Variants in KCNIP4 observed in about 807,000 individuals in gnomAD.
KCNIP4 encodes the protein potassium voltage-gated channel interacting protein 4.
A neutral mutation model predicts 34.0 loss-of-function variants in KCNIP4; 12 were observed. The ratio of observed to expected loss-of-function variants is 0.35; its 90% CI spans 0.23 to 0.57. KCNIP4 has a LOEUF of 0.57. Among genes scored for constraint, KCNIP4 ranks in the 20% least tolerant of loss-of-function variants. The probability of loss-of-function intolerance (pLI) is 0.83; values close to 1 mark genes in which losing one functional copy is unlikely to be tolerated. For synonymous variants in KCNIP4, 124 were observed against 102.2 expected (o/e 1.21, Z -1.29); for missense variants, 238 against 311.7 (o/e 0.76, Z 1.78).
intron 1 of KCNIP4, among the ~76,000 whole-genome samples, chr4:21,573,196 C>T (rs559352715): frequency 6.6e-6 from 1 of 152,266 alleles, no homozygotes; most frequent in Non-Finnish European, 1.5e-5. Context: ...GATACTCATA[C>T]TTGACCTTAG....
intron 1 of KCNIP4, among the ~76,000 whole-genome samples, chr4:21,666,843 G>C (rs936275376): frequency 1.2e-4 from 19 of 152,202 alleles, no homozygotes; most frequent in Admixed American, 1.0e-3. Context: ...GGAGGAAAGA[G>C]AGCCACATTG....
rs1214060230 is a variant in KCNIP4, at chr4:21,177,568, T to C, written c.62-294859A>G. On this transcript the variant is annotated intron_variant, in intron 1 of 8. Transcript: ENST00000382152. ...TTGGCAAGGCACAGCGGCTCACACC[T>C]GTAGGGGTCGCAGCATTCTGGGAGG... Among the ~76,000 whole-genome samples the C allele has an allele frequency of 2.0e-5, 3 of 152,042 alleles. No homozygotes were observed. In the South Asian group the frequency reaches 6.2e-4, roughly 31 times the overall value.
At chr4:21,310,326 A>T (rs1450237358) in intron 1 of KCNIP4, among the ~76,000 whole-genome samples, 1 of 152,008 alleles carries the variant, frequency 6.6e-6, no homozygotes, top group East Asian at 1.9e-4. Flanking sequence ...GTAAGCCACC[A>T]CACCCAGCCT....
chr4:21,226,244 GGGGA>G (rs1165143722), intron 1 of KCNIP4, among the ~76,000 whole-genome samples: 11,229 of 96,428 alleles, frequency 0.12, 1,926 homozygotes, highest in African/African-American at 0.39. Context: ...GGAGGGAGGG[GGGGA>G]GGGAGGGAGG....
chr4:21,075,069 A>G (rs1034458919), intron 1 of KCNIP4, among the ~76,000 whole-genome samples: 11 of 151,742 alleles, frequency 7.2e-5, no homozygotes, highest in African/African-American at 2.7e-4. Flanking sequence ...TATGTGGTCA[A>G]TTTTGGAATA....
chr4:21,698,567 C>G (rs1292559879), intron 1 of KCNIP4, among the ~76,000 whole-genome samples: 2 of 152,156 alleles, frequency 1.3e-5, no homozygotes, highest in African/African-American at 2.4e-5. Context: ...CTTGCCTTCT[C>G]TGAAAAAGTG....
intron 1 of KCNIP4, among the ~76,000 whole-genome samples, chr4:21,537,718 A>G (rs1299846783): frequency 1.3e-5 from 2 of 152,080 alleles, no homozygotes; most frequent in African/African-American, 4.8e-5. Flanking sequence ...CATCCTTACA[A>G]GAAGAGGGAA....
intron 3 of KCNIP4, among the ~76,000 whole-genome samples, chr4:20,782,025 G>A (rs1266227785): frequency 6.6e-6 from 1 of 152,118 alleles, no homozygotes; most frequent in Non-Finnish European, 1.5e-5. Flanking sequence ...CCAAAACAAA[G>A]GGGTCACAGG....
intron 1 of KCNIP4, among the ~76,000 whole-genome samples, chr4:21,872,081 G>C (rs1725854448): frequency 6.6e-6 from 1 of 152,038 alleles, no homozygotes; most frequent in Non-Finnish European, 1.5e-5. Context: ...ATAGAACAGA[G>C]AGCTTAAGTG....
At position 21,475,435 on chromosome 4, in the gene KCNIP4, C is replaced by T. The variant is rs74488304; in HGVS notation, c.61+473136G>A. On this transcript the variant is annotated intron_variant, in intron 1 of 8. Coordinates refer to ENST00000382152, the MANE Select transcript of KCNIP4 (RefSeq NM_025221.6). ...GCCTTTACCTACCTATGAACTGATA[C>T]TCAGAGCCTGGCAACAACTTTCAAC... 5.9e-5 allele frequency among the ~76,000 whole-genome samples: 9 copies of T among 152,318 alleles called. No individual in the cohort carries two copies. The East Asian group carries it at 1.5e-3, about 26-fold the overall frequency.
At chr4:21,769,484 T>C (rs1003023004) in intron 1 of KCNIP4, among the ~76,000 whole-genome samples, 7 of 152,290 alleles carry the variant, frequency 4.6e-5, no homozygotes, top group Middle Eastern at 3.4e-3. Flanking sequence ...ATTTCCTTCA[T>C]GTGGTTTGCC....
At chr4:20,780,535 T>G (rs1756781646) in intron 3 of KCNIP4, among the ~76,000 whole-genome samples, 3 of 152,164 alleles carry the variant, frequency 2.0e-5, no homozygotes, top group Non-Finnish European at 4.4e-5. Flanking sequence ...CTCAGCTCTG[T>G]TAGACAATTT....
chr4:21,535,394 A>G (rs998386341), intron 1 of KCNIP4, among the ~76,000 whole-genome samples: 1 of 152,134 alleles, frequency 6.6e-6, no homozygotes, highest in Admixed American at 6.5e-5. Context: ...GGTGTGTTTC[A>G]CTGGCTGAGG....
At chr4:21,413,067 G>A (rs2109595596) in intron 1 of KCNIP4, among the ~76,000 whole-genome samples, 1 of 152,246 alleles carries the variant, frequency 6.6e-6, no homozygotes, top group Non-Finnish European at 1.5e-5. Flanking sequence ...ATTCACTGAT[G>A]GCATTTCCTC....
intron 1 of KCNIP4, among the ~76,000 whole-genome samples, chr4:21,890,914 T>C (rs1427722882): frequency 2.0e-5 from 3 of 152,084 alleles, no homozygotes; most frequent in Admixed American, 1.3e-4. Context: ...GGCAGTTCAG[T>C]AGTGGCAGGG....
chr4:20,988,332 C>G (rs976802464), intron 1 of KCNIP4, among the ~76,000 whole-genome samples: 2 of 152,174 alleles, frequency 1.3e-5, no homozygotes, highest in Non-Finnish European at 2.9e-5. Context: ...ACTCCAAGGA[C>G]GCATGTCCAA....
intron 1 of KCNIP4, among the ~76,000 whole-genome samples, chr4:21,128,428 A>G (rs1388145692): frequency 6.6e-6 from 1 of 152,250 alleles, no homozygotes; most frequent in East Asian, 1.9e-4. Context: ...TTCAGGAAAA[A>G]GAGCATTTGT....
chr4:21,481,723 C>G (rs1018216750), intron 1 of KCNIP4, among the ~76,000 whole-genome samples: 1 of 152,136 alleles, frequency 6.6e-6, no homozygotes, highest in African/African-American at 2.4e-5. Flanking sequence ...GTCCACTATA[C>G]GGGGCCACTT....
At chr4:20,851,908 G>A (rs1255509801) in intron 2 of KCNIP4, among the ~76,000 whole-genome samples, 3 of 152,168 alleles carry the variant, frequency 2.0e-5, no homozygotes. Context: ...ACAGCTACTT[G>A]GGAGGCGGAG....
Sources: allele counts gnomAD v4.1 joint callset (sites outside exome capture counted in the v4.1 genomes callset), GRCh38; gene constraint gnomAD v4.1.1; transcripts MANE v1.5; gene names NCBI Gene and HGNC (gene_info 2026-07-23, HGNC 2026-07-21).